Variants in SYNE2 observed in about 807,000 individuals in gnomAD.
SYNE2 encodes spectrin repeat containing nuclear envelope protein 2, also known as nesprin-2.
Under a neutral mutation model 856.3 loss-of-function variants are expected in SYNE2, and 431 were observed. The ratio of observed to expected loss-of-function variants is 0.50; its 90% CI spans 0.47 to 0.55. The LOEUF (loss-of-function observed/expected upper bound fraction) is 0.55. Among genes scored for constraint, SYNE2 ranks in the 20% least tolerant of loss-of-function variants. SYNE2 has a pLI of 0.00. For missense variants in SYNE2, 8,129 were observed against 8,023.2 expected, an observed-to-expected ratio of 1.01 and a Z score of -0.50; for synonymous variants, 2,923 against 2,872.3, an observed-to-expected ratio of 1.02 and a Z score of -0.56.
intron 1 of SYNE2, among the ~76,000 whole-genome samples, chr14:63,843,639 T>C (rs1208319943): frequency 6.6e-6 from 1 of 152,186 alleles, no homozygotes; most frequent in Non-Finnish European, 1.5e-5. Context: ...GTTAAGGAAG[T>C]ACCCAACAAT....
Position 63,909,206 on chromosome 14 carries a change from G to A in SYNE2, c.58G>A (p.Asp20Asn), listed in dbSNP as rs770930910. The stretch of plus-strand genomic sequence containing the variant: ...TGAACAGGGTTCCTGGGGCATCGAC[G>A]ATCTCCATATTTCATTGCAAGGTAA... ...EDEQGSWGIDDLHISLQAEQE... is the reference protein window; with the variant it reads ...EDEQGSWGIDNLHISLQAEQE... Residue 20 changes from aspartate to asparagine, a missense_variant, in exon 2 of 116, where the codon GAT becomes AAT. Asp to Asn is a conservative substitution (Grantham distance 23). Around this residue, in one of 3 missense-constraint regions of SYNE2, gnomAD observed 2,422 missense variants for 2,357.4 expected, o/e 1.03. Coordinates refer to ENST00000555002, the MANE Select transcript of SYNE2 (RefSeq NM_182914.3). 6.2e-6 allele frequency: 10 copies of A among 1,612,404 alleles called. No individual in the cohort carries two copies. The highest frequency in any genetic ancestry group is 4.0e-5 in the African/African-American group (3 of 74,574).
At chr14:64,215,759 G>A in intron 107 of SYNE2, 1 of 406,766 alleles carries the variant, frequency 2.5e-6, no homozygotes, top group Non-Finnish European at 4.3e-6. Flanking sequence ...GGTAAAGGGT[G>A]CTGATGATTT....
intron 104 of SYNE2, 145 bp from the exon 105 acceptor site, chr14:64,212,662 CTTAG>C: frequency 1.3e-6 from 1 of 748,742 alleles, no homozygotes; most frequent in Non-Finnish European, 2.3e-6. Flanking sequence ...GTCATTGTCA[CTTAG>C]TTAAAAACTA....
intron 8 of SYNE2, among the ~76,000 whole-genome samples, chr14:63,961,284 G>A (rs1192000687): frequency 6.6e-6 from 1 of 152,200 alleles, no homozygotes; most frequent in Admixed American, 6.5e-5. Flanking sequence ...AGAAAACGGA[G>A]ACTGTGCACA....
At position 64,225,680 on chromosome 14, in the gene SYNE2, C is replaced by T; in HGVS notation, c.*154C>T. The T allele has an allele frequency of 3.6e-6, 3 of 836,118 alleles. No homozygotes were observed. The highest frequency in any genetic ancestry group is 1.5e-5 in the South Asian group (1 of 68,094). The allele number at this position is 836,118 out of a possible 1,614,324, so 51.8% of individuals were successfully genotyped here. A position where few individuals can be genotyped will look rare whatever the true frequency, so the allele number is the denominator to read the frequency against. The stretch of plus-strand genomic sequence containing the variant: ...TTACCCAGCACGGGCTCCCTGGAGC[C>T]CAGGGCAGCTTTCAGATTGTGTTCC... On this transcript the variant is annotated 3_prime_UTR_variant, in exon 116 of 116. Transcript: ENST00000555002.
intron 1 of SYNE2, among the ~76,000 whole-genome samples, chr14:63,770,509 T>C (rs1426159563): frequency 6.6e-6 from 1 of 152,166 alleles, no homozygotes; most frequent in African/African-American, 2.4e-5. Flanking sequence ...CAAATAAGTA[T>C]AAAATGATGG....
chr14:64,100,514 CAAAAA>C (rs35489245), intron 63 of SYNE2, among the ~76,000 whole-genome samples: 29 of 23,746 alleles, frequency 1.2e-3, no homozygotes, highest in East Asian at 2.3e-3. Flanking sequence ...AAAACTGTCT[CAAAAA>C]AAAAAAAAAA....
chr14:64,210,033 C>G lies in SYNE2; in HGVS notation c.18632C>G (p.Thr6211Arg), dbSNP rs36215895. ...CTGGCCCGGGAGAACCGCACAGACA[C>G]GGCCAGCAGGCTGAAGCAGATGGTC... ...RRLARENRTD[T>R]ASRLKQMVHE... is the part of the protein sequence containing the mutation. The change falls in exon 103 of 116, where the codon ACG (threonine) becomes AGG (arginine). Residue 6211 changes from threonine to arginine, a missense_variant. By Grantham distance (71) the Thr-to-Arg change is moderately conservative. This residue lies in a region of SYNE2 where 5,410 missense variants were observed against 5,284.8 expected (regional missense o/e 1.02). Coordinates refer to ENST00000555002, the MANE Select transcript of SYNE2 (RefSeq NM_182914.3). The G allele has an allele frequency of 3.7e-6, 6 of 1,614,002 alleles. No individual in the cohort carries two copies. In the South Asian group the frequency reaches 4.4e-5, roughly 12 times the overall value.
chr14:63,974,760 G>C (rs976283496), intron 11 of SYNE2, among the ~76,000 whole-genome samples: 3 of 69,388 alleles, frequency 4.3e-5, no homozygotes, highest in Non-Finnish European at 9.3e-5. Context: ...ATGTATATAC[G>C]TGTGTGTGTA....
chr14:63,777,577 T>A (rs889844982), intron 1 of SYNE2, among the ~76,000 whole-genome samples: 3 of 152,188 alleles, frequency 2.0e-5, no homozygotes, highest in African/African-American at 7.2e-5. Flanking sequence ...CTTTGAAGAC[T>A]CACAGAAGAT....
At position 63,974,786 on chromosome 14, in the gene SYNE2, A is replaced by G. The variant is rs61029270; in HGVS notation, c.1129-1777A>G. Among the ~76,000 whole-genome samples, 112 of 73,290 alleles carry G rather than the reference A, an allele frequency of 1.5e-3. 3 individuals carry two copies. Among genetic ancestry groups the G allele is most frequent in the South Asian group, 0.012 (31 of 2,556 alleles). 48.1% of individuals were successfully genotyped at this position (73,290 alleles called of 152,430 possible). A position where few individuals can be genotyped will look rare whatever the true frequency, so the allele number is the denominator to read the frequency against. On this transcript the variant is annotated intron_variant, in intron 11 of 115. Transcript: ENST00000555002. ...TGTGTGTGTATATATATATGTGTGT[A>G]TATATATGTGTATATATGTGTATAT... is the stretch of plus-strand genomic sequence containing the variant.
At chr14:64,112,646 A>G (rs935540623) in intron 65 of SYNE2, among the ~76,000 whole-genome samples, 2 of 152,228 alleles carry the variant, frequency 1.3e-5, no homozygotes, top group African/African-American at 2.4e-5. Context: ...GTGAGCATCT[A>G]GTCCTTAACT....
intron 112 of SYNE2, among the ~76,000 whole-genome samples, chr14:64,222,898 G>A (rs1169853356): frequency 6.6e-6 from 1 of 152,092 alleles, no homozygotes; most frequent in East Asian, 1.9e-4. Flanking sequence ...GGTGGATGAG[G>A]GACCTGGTCT....
intron 103 of SYNE2, among the ~76,000 whole-genome samples, chr14:64,211,561 G>A (rs72720376): frequency 0.055 from 8,367 of 152,354 alleles, 325 homozygotes; most frequent in Non-Finnish European, 0.079. Flanking sequence ...AAAAGCTGCA[G>A]AAGGCCAATG....
intron 1 of SYNE2, among the ~76,000 whole-genome samples, chr14:63,884,696 G>A (rs955329292): frequency 1.3e-5 from 2 of 152,146 alleles, no homozygotes; most frequent in African/African-American, 4.8e-5. Flanking sequence ...TTCTTTGGCC[G>A]TGTTTGTAGG....
chr14:64,081,697 A>G, intron 57 of SYNE2, 117 bp downstream of exon 57: 1 of 1,185,034 alleles, frequency 8.4e-7, no homozygotes, highest in East Asian at 2.4e-5. Flanking sequence ...ACCGCTAACC[A>G]TGTCAGTGGC....
rs2097647421 is a variant in SYNE2, at chr14:64,093,456, A to G, written c.12084A>G (p.Gln4028=). 1 of 1,614,082 alleles carries G rather than the reference A, an allele frequency of 6.2e-7. No homozygotes were observed. Among genetic ancestry groups the G allele is most frequent in the African/African-American group, 1.3e-5 (1 of 74,940 alleles). ...CCCTTGAACATATGTCACCAGACCA[A>G]GCTGACAAGCTGCCACAACTACAGG... is the stretch of plus-strand genomic sequence containing the variant. ...QFSLEHMSPD[Q]ADKLPQLQGE... Residue 4028 remains glutamine, a synonymous_variant, in exon 61 of 116, where the codon CAA becomes CAG. Coordinates refer to ENST00000555002, the MANE Select transcript of SYNE2 (RefSeq NM_182914.3).
At chr14:64,068,672 C>A (rs942439689) in intron 51 of SYNE2, among the ~76,000 whole-genome samples, 1 of 151,738 alleles carries the variant, frequency 6.6e-6, no homozygotes. Context: ...TCAGCCTGGC[C>A]AAGATGGTGA....
intron 45 of SYNE2, among the ~76,000 whole-genome samples, chr14:64,031,749 CTG>C (rs2097038073): frequency 6.6e-6 from 1 of 152,222 alleles, no homozygotes; most frequent in Non-Finnish European, 1.5e-5. Flanking sequence ...AAATCAGAGA[CTG>C]TCGGAAAGGA....
Sources: allele counts gnomAD v4.1 joint callset (sites outside exome capture counted in the v4.1 genomes callset), GRCh38; gene constraint gnomAD v4.1.1; regional missense constraint gnomAD v4.1.1; transcripts MANE v1.5; gene names NCBI Gene and HGNC (gene_info 2026-07-23, HGNC 2026-07-21).